KCNB2: variants seen among roughly 807,000 people sequenced by gnomAD.
KCNB2 encodes the protein delayed rectifier potassium channel protein.
In KCNB2, 15 loss-of-function variants were observed where a neutral mutation model predicts 61.5. The ratio of observed to expected loss-of-function variants is 0.24; its 90% CI spans 0.16 to 0.38. The LOEUF is 0.38. Ranked by LOEUF, KCNB2 falls within the 10% of genes least tolerant of loss-of-function variation. KCNB2 has a pLI of 1.00. For missense variants in KCNB2, 828 were observed against 1,125.2 expected (o/e 0.74, Z 3.78); for synonymous variants, 457 against 446.0 (o/e 1.02, Z -0.31).
chr8:72,581,128 C>A (rs1225262904), intron 2 of KCNB2, among the ~76,000 whole-genome samples: 1 of 152,164 alleles, frequency 6.6e-6, no homozygotes, highest in Admixed American at 6.5e-5. Context: ...TTCCACATGG[C>A]TATATCCATC....
At chr8:72,774,847 G>A (rs1338233164) in intron 2 of KCNB2, among the ~76,000 whole-genome samples, 1 of 151,964 alleles carries the variant, frequency 6.6e-6, no homozygotes, top group East Asian at 1.9e-4. Context: ...CTCCTATTTA[G>A]AGACCTGCTA....
chr8:72,699,841 T>C lies in KCNB2; in HGVS notation c.579+131528T>C, dbSNP rs186005656. On this transcript the variant is annotated intron_variant, in intron 2 of 2. Coordinates refer to ENST00000523207, the MANE Select transcript of KCNB2 (RefSeq NM_004770.3). ...ACCATTTGACCCAGCAATCCCATTATGGGTATATACCCAAAGGATTATAAA... is the reference window on the plus strand; with the variant it reads ...ACCATTTGACCCAGCAATCCCATTACGGGTATATACCCAAAGGATTATAAA... 2.1e-3 allele frequency among the ~76,000 whole-genome samples: 320 copies of C among 152,302 alleles called. 3 individuals carry two copies. Among genetic ancestry groups the C allele is most frequent in the African/African-American group, 7.2e-3 (301 of 41,564 alleles).
chr8:72,655,043 C>A (rs116275914), intron 2 of KCNB2, among the ~76,000 whole-genome samples: 1 of 152,038 alleles, frequency 6.6e-6, no homozygotes, highest in Non-Finnish European at 1.5e-5. Flanking sequence ...ATGGAATCAA[C>A]GTAAATGCCC....
At chr8:72,741,049 G>A (rs1206342714) in intron 2 of KCNB2, among the ~76,000 whole-genome samples, 1 of 152,152 alleles carries the variant, frequency 6.6e-6, no homozygotes, top group Non-Finnish European at 1.5e-5. Context: ...TTACTAAAAT[G>A]AAGAGTTTTC....
chr8:72,896,950 T>C (rs1017551420), intron 2 of KCNB2, among the ~76,000 whole-genome samples: 2 of 152,182 alleles, frequency 1.3e-5, no homozygotes, highest in Non-Finnish European at 2.9e-5. Context: ...TTTGTTGTTG[T>C]TGTTGTTATG....
chr8:72,556,203 T>A (rs1474988518), intron 1 of KCNB2, among the ~76,000 whole-genome samples: 1 of 152,290 alleles, frequency 6.6e-6, no homozygotes, highest in African/African-American at 2.4e-5. Flanking sequence ...ACCAAATGCT[T>A]TGATATTTTC....
chr8:72,646,902 T>A (rs1216851369), intron 2 of KCNB2, among the ~76,000 whole-genome samples: 1 of 152,208 alleles, frequency 6.6e-6, no homozygotes, highest in Non-Finnish European at 1.5e-5. Flanking sequence ...GCATTTTTTT[T>A]GTGCTGAAAT....
At chr8:72,838,045 A>C (rs10092623) in intron 2 of KCNB2, among the ~76,000 whole-genome samples, 129,734 of 152,132 alleles carry the variant, frequency 0.85, 56,288 homozygotes, top group Middle Eastern at 0.97. Flanking sequence ...AGTACTCATC[A>C]TTCATATTCT....
intron 2 of KCNB2, among the ~76,000 whole-genome samples, chr8:72,766,614 T>G (rs1808463268): frequency 6.6e-6 from 1 of 152,166 alleles, no homozygotes; most frequent in Admixed American, 6.5e-5. Flanking sequence ...CCCATAAAAT[T>G]GTGTGTATGC....
chr8:72,632,214 C>T (rs1269989522), intron 2 of KCNB2, among the ~76,000 whole-genome samples: 1 of 151,948 alleles, frequency 6.6e-6, no homozygotes, highest in Non-Finnish European at 1.5e-5. Context: ...CTACAGCACT[C>T]CAGCCTGGGA....
intron 1 of KCNB2, among the ~76,000 whole-genome samples, chr8:72,558,663 C>T (rs376338302): frequency 6.6e-6 from 1 of 152,110 alleles, no homozygotes; most frequent in African/African-American, 2.4e-5. Flanking sequence ...ATTTATTGCA[C>T]GTCACTTGGG....
chr8:72,788,766 A>G (rs1808885653), intron 2 of KCNB2, among the ~76,000 whole-genome samples: 1 of 152,102 alleles, frequency 6.6e-6, no homozygotes, highest in Non-Finnish European at 1.5e-5. Flanking sequence ...TAATTACGTA[A>G]TTTCCTTCTT....
At chr8:72,913,968 GTGT>G (rs1203748391) in intron 2 of KCNB2, among the ~76,000 whole-genome samples, 12 of 152,334 alleles carry the variant, frequency 7.9e-5, no homozygotes, top group African/African-American at 2.9e-4. Flanking sequence ...GGAAAAGGAT[GTGT>G]CTTAGTACAT....
intron 2 of KCNB2, among the ~76,000 whole-genome samples, chr8:72,587,182 G>T (rs757309506): frequency 6.6e-6 from 1 of 152,086 alleles, no homozygotes; most frequent in Non-Finnish European, 1.5e-5. Context: ...GGTCATCAAA[G>T]CGTGGCTGCT....
chr8:72,818,888 ACT>A (rs1809447116), intron 2 of KCNB2, among the ~76,000 whole-genome samples: 1 of 151,246 alleles, frequency 6.6e-6, no homozygotes, highest in Non-Finnish European at 1.5e-5. Context: ...CTGAGTTTAG[ACT>A]CTCCCAATCT....
rs1263127118 is a variant in KCNB2, at chr8:72,936,261, C to T, written c.906C>T (p.Ile302=). The change falls in exon 3 of 3, where the codon ATC becomes ATT. Residue 302 remains isoleucine, a synonymous_variant. Coordinates refer to ENST00000523207, the MANE Select transcript of KCNB2 (RefSeq NM_004770.3). The surrounding 1 kb of genome is among the most constrained non-coding windows in gnomAD (Gnocchi z 5.6). Reference sequence around the variant, plus strand: ...AAAACGTGAGGCGCGTGGTCCAGATCTTCCGAATCATGCGCATCCTCAGGA... The same window carrying T: ...AAAACGTGAGGCGCGTGGTCCAGATTTTCCGAATCATGCGCATCCTCAGGA... ...QFQNVRRVVQ[I]FRIMRILRIL... The T allele has an allele frequency of 1.9e-6, 3 of 1,614,152 alleles. No individual in the cohort carries two copies. Among genetic ancestry groups the T allele is most frequent in the Non-Finnish European group, 2.5e-6 (3 of 1,180,048 alleles).
chr8:72,924,479 G>GT (rs557885132), intron 2 of KCNB2, among the ~76,000 whole-genome samples: 161 of 152,292 alleles, frequency 1.1e-3, no homozygotes, highest in African/African-American at 3.7e-3. Flanking sequence ...TGGGCCTGGG[G>GT]TGGGGCCTGA....
rs192496484 is a variant in KCNB2, at chr8:72,577,402, A to G, written c.579+9089A>G. Among the ~76,000 whole-genome samples the G allele has an allele frequency of 3.3e-5, 5 of 152,268 alleles. No individual in the cohort carries two copies. In the East Asian group the frequency reaches 7.7e-4, roughly 24 times the overall value. On this transcript the variant is annotated intron_variant, in intron 2 of 2. Transcript: ENST00000523207. ...GAGTATGTTCTATTGTAAAGAACCCACCTGCAGAAAAAGCAATGAACTTCA... is the reference window on the plus strand; with the variant it reads ...GAGTATGTTCTATTGTAAAGAACCCGCCTGCAGAAAAAGCAATGAACTTCA...
intron 2 of KCNB2, among the ~76,000 whole-genome samples, chr8:72,761,972 A>G (rs552725263): frequency 1.3e-5 from 2 of 152,300 alleles, no homozygotes; most frequent in Admixed American, 1.3e-4. Context: ...TAAGATCACT[A>G]GCAGTTAGAT....
Sources: allele counts gnomAD v4.1 joint callset (sites outside exome capture counted in the v4.1 genomes callset), GRCh38; gene constraint gnomAD v4.1.1; non-coding constraint Gnocchi (gnomAD v3.1); transcripts MANE v1.5; gene names NCBI Gene and HGNC (gene_info 2026-07-23, HGNC 2026-07-21).